The following LRRC37B variants were observed in gnomAD, a reference collection of about 807,000 sequenced individuals.
The protein encoded by LRRC37B is leucine rich repeat containing 37B, also known as leucine-rich repeat-containing protein 37B.
In LRRC37B, 28 loss-of-function variants were observed where a neutral mutation model predicts 98.3. That is an observed-to-expected ratio of 0.28 (90% CI 0.21 to 0.39). The LOEUF is 0.39. Ranked by LOEUF, LRRC37B falls within the 10% of genes least tolerant of loss-of-function variation. The probability of loss-of-function intolerance (pLI) is 1.00; values close to 1 mark genes in which losing one functional copy is unlikely to be tolerated. For synonymous variants in LRRC37B, 364 were observed against 442.7 expected, an observed-to-expected ratio of 0.82 and a Z score of 2.23; for missense variants, 938 against 1,182.7, an observed-to-expected ratio of 0.79 and a Z score of 3.03.
chr17:32,029,269 A>T (rs1463982809), intron 3 of LRRC37B, among the ~76,000 whole-genome samples: 1 of 152,166 alleles, frequency 6.6e-6, no homozygotes, highest in Admixed American at 6.5e-5. Context: ...AAGTGCTGGG[A>T]TTACAGGCAT....
chr17:32,035,813 C>T (rs1911231838), intron 7 of LRRC37B, 174 bp downstream of exon 10: 2 of 648,852 alleles, frequency 3.1e-6, no homozygotes, highest in East Asian at 7.4e-5. Flanking sequence ...CACCACATTC[C>T]CAATATAAAG....
At chr17:32,021,086 G>T (rs1463711160) in exon 1 of LRRC37B, 5 of 1,613,576 alleles carry the variant, frequency 3.1e-6, no homozygotes, top group Non-Finnish European at 4.2e-6. Flanking sequence ...CTTATAAGGG[G>T]CATGAGCATC....
chr17:32,022,487 A>G, exon 1 of LRRC37B: 2 of 1,613,142 alleles, frequency 1.2e-6, no homozygotes, highest in South Asian at 1.1e-5. Context: ...CTCAGCCTCC[A>G]GACCCGGGGC....
At chr17:32,049,265 G>C in exon 10 of LRRC37B, 1 of 1,613,492 alleles carries the variant, frequency 6.2e-7, no homozygotes, top group South Asian at 1.1e-5. Flanking sequence ...CAGGCCTCCT[G>C]ATGAAGCTTC....
rs535407534 is a variant in LRRC37B, at chr17:32,041,704, T to G, written c.2205-3996T>G. The G allele has an allele frequency of 8.3e-5, 38 of 457,706 alleles. 2 individuals are homozygous for G. Among genetic ancestry groups the G allele is most frequent in the South Asian group, 5.6e-4 (36 of 64,530 alleles). 28.4% of individuals were successfully genotyped at this position (457,706 alleles called of 1,614,324 possible). A position where few individuals can be genotyped will look rare whatever the true frequency, so the allele number is the denominator to read the frequency against. ...GCCACACTTGGGTGGGAGGCTTATC[T>G]GGGTGGGTGGGGACGCTTGTTTAAA... On this transcript the variant is annotated intron_variant, in intron 7 of 11. Transcript: ENST00000327564.
At chr17:32,015,708 C>T (rs1910634262) in intron 1 of LRRC37B, among the ~76,000 whole-genome samples, 1 of 152,128 alleles carries the variant, frequency 6.6e-6, no homozygotes, top group South Asian at 2.1e-4. Context: ...CACCTCTGCC[C>T]TCGGCGGGTA....
intron 8 of LRRC37B, 97 bp downstream of exon 11, chr17:32,045,915 T>C (rs1167023098): frequency 7.7e-7 from 1 of 1,299,116 alleles, no homozygotes; most frequent in African/African-American, 1.5e-5. Flanking sequence ...GCTGATGATA[T>C]AATTGTTTTA....
intron 7 of LRRC37B, chr17:32,042,972 G>A (rs1295953564): frequency 1.3e-5 from 2 of 152,010 alleles, no homozygotes; most frequent in Non-Finnish European, 2.9e-5. Context: ...ATAATATTAA[G>A]TTCCATTGGG....
chr17:32,045,906 C>T, intron 8 of LRRC37B, 88 bp downstream of exon 11: 1 of 1,359,640 alleles, frequency 7.4e-7, no homozygotes, highest in Non-Finnish European at 1.0e-6. Flanking sequence ...AAATTTTAAG[C>T]TGATGATATA....
chr17:32,047,294 G>A, intron 8 of LRRC37B: 1 of 214,424 alleles, frequency 4.7e-6, no homozygotes, highest in Non-Finnish European at 9.5e-6. Context: ...CCTCTCAGAG[G>A]ACCGCCTTTG....
At chr17:32,046,042 C>G (rs1911568435) in intron 8 of LRRC37B, among the ~76,000 whole-genome samples, 3 of 152,110 alleles carry the variant, frequency 2.0e-5, no homozygotes, top group African/African-American at 7.2e-5. Context: ...CATAAAGGAC[C>G]AAGAGAAAGA....
intron 7 of LRRC37B, chr17:32,036,382 C>T (rs952756859): frequency 4.6e-5 from 7 of 152,198 alleles, no homozygotes; most frequent in African/African-American, 7.2e-5. Context: ...ACATGTTCCT[C>T]ATCCATGGAT....
chr17:32,036,684 T>A (rs1404775467), intron 7 of LRRC37B, among the ~76,000 whole-genome samples: 1 of 152,158 alleles, frequency 6.6e-6, no homozygotes, highest in Admixed American at 6.5e-5. Context: ...TCAGTAGTAT[T>A]CCAGTTGTGT....
At position 32,021,333 on chromosome 17, in the gene LRRC37B, C is replaced by T. The variant is rs762473743; in HGVS notation, c.268C>T (p.Pro90Ser). 14 of 1,613,842 alleles carry T rather than the reference C, an allele frequency of 8.7e-6. 1 individual carries two copies. In the East Asian group the frequency reaches 1.8e-4, roughly 21 times the overall value. The stretch of plus-strand genomic sequence containing the variant: ...TCTCCCATGGGAATCTCCCCATGCA[C>T]CTGCTCCCCCAGCAGCCCCGGGGGA... The change falls in exon 1 of 12, where the codon CCT (proline) becomes TCT (serine). Residue 90 changes from proline (P) to serine (S), a missense_variant. Pro to Ser is a moderately conservative substitution (Grantham distance 74). This residue lies in a region of LRRC37B where 610 missense variants were observed against 625.6 expected (regional missense o/e 0.98). Transcript: ENST00000327564.
At chr17:32,035,481 T>C (rs192825431) in intron 6 of LRRC37B, 84 bp from the exon 10 acceptor site, 2 of 1,406,614 alleles carry the variant, frequency 1.4e-6, no homozygotes, top group Non-Finnish European at 2.0e-6. Context: ...AAAATAGAAG[T>C]AATCACATGT....
chr17:32,027,272 G>A (rs1483690812), intron 2 of LRRC37B, among the ~76,000 whole-genome samples: 1 of 152,100 alleles, frequency 6.6e-6, no homozygotes, highest in Non-Finnish European at 1.5e-5. Context: ...ATCTAGAGAG[G>A]AGTCATTAAA....
intron 9 of LRRC37B, among the ~76,000 whole-genome samples, chr17:32,048,421 G>A (rs1911649279): frequency 6.7e-6 from 1 of 149,910 alleles, no homozygotes; most frequent in Non-Finnish European, 1.5e-5. Context: ...TCTACACCAA[G>A]CCTTCATTCA....
chr17:32,011,221 C>A (rs184834093), intron 1 of LRRC37B, among the ~76,000 whole-genome samples: 209 of 152,114 alleles, frequency 1.4e-3, no homozygotes, highest in Non-Finnish European at 2.2e-3. Flanking sequence ...GTTCTCGAAC[C>A]CCTGACCTCG....
intron 5 of LRRC37B, among the ~76,000 whole-genome samples, chr17:32,033,172 T>C (rs1911155303): frequency 6.6e-6 from 1 of 151,874 alleles, no homozygotes; most frequent in Non-Finnish European, 1.5e-5. Context: ...AGAGATGGGG[T>C]TTTACTACGT....
Sources: gnomAD v4.1 joint callset for allele counts (sites outside exome capture counted in the v4.1 genomes callset) on GRCh38, gnomAD v4.1.1 for gene constraint, gnomAD v4.1.1 regional missense constraint, MANE v1.5 for transcripts, NCBI Gene and HGNC (gene_info 2026-07-23, HGNC 2026-07-21) for gene names.